PCDH15: variants seen among roughly 807,000 people sequenced by gnomAD.
PCDH15 encodes protocadherin related 15.
PCDH15 carries 129 observed loss-of-function variants against 178.5 expected under a neutral mutation model. The ratio of observed to expected loss-of-function variants is 0.72; its 90% CI spans 0.63 to 0.84. The LOEUF (loss-of-function observed/expected upper bound fraction) is 0.84, where lower values mean the gene tolerates loss of function less well. Among genes scored for constraint, PCDH15 ranks in the 40% least tolerant of loss-of-function variants. The pLI is 0.00. For synonymous variants in PCDH15, 800 were observed against 732.0 expected (o/e 1.09, Z -1.50); for missense variants, 2,230 against 2,099.9 (o/e 1.06, Z -1.21).
chr10:55,368,162 C>A (rs1179720440), intron 2 of PCDH15, among the ~76,000 whole-genome samples: 1 of 151,970 alleles, frequency 6.6e-6, no homozygotes, highest in Non-Finnish European at 1.5e-5. Context: ...TTCTCATTCT[C>A]TCTCACTCTC....
intron 2 of PCDH15, among the ~76,000 whole-genome samples, chr10:54,634,654 T>C (rs1249614487): frequency 2.6e-5 from 4 of 152,068 alleles, no homozygotes; most frequent in African/African-American, 9.6e-5. Context: ...AAAAAAATTA[T>C]ACATATTGTT....
At chr10:54,520,496 A>G (rs1434305631) in intron 3 of PCDH15, among the ~76,000 whole-genome samples, 2 of 152,186 alleles carry the variant, frequency 1.3e-5, no homozygotes, top group Non-Finnish European at 2.9e-5. Context: ...GAGAAATGCA[A>G]ATCAAAACCA....
chr10:54,257,325 T>C (rs1297002351), intron 8 of PCDH15, among the ~76,000 whole-genome samples: 1 of 151,764 alleles, frequency 6.6e-6, no homozygotes, highest in Non-Finnish European at 1.5e-5. Context: ...TCACATTTCG[T>C]CAGAATTTCA....
chr10:54,582,440 T>C (rs544346777), intron 2 of PCDH15, among the ~76,000 whole-genome samples: 1 of 152,280 alleles, frequency 6.6e-6, no homozygotes, highest in East Asian at 1.9e-4. Flanking sequence ...AGAATCTATA[T>C]GTTGGTCAGG....
intron 3 of PCDH15, among the ~76,000 whole-genome samples, chr10:54,831,319 T>C (rs565599033): frequency 1.3e-5 from 2 of 152,248 alleles, no homozygotes; most frequent in South Asian, 2.1e-4. Flanking sequence ...AAAAAACTTA[T>C]TGTCAACATT....
chr10:54,482,913 A>T (rs1055213613), intron 3 of PCDH15, among the ~76,000 whole-genome samples: 1 of 151,848 alleles, frequency 6.6e-6, no homozygotes, highest in African/African-American at 2.4e-5. Flanking sequence ...CTATGCAAGG[A>T]GTAAAATATT....
At chr10:53,855,904 G>GTGTATATA (rs1554832765) in intron 28 of PCDH15, among the ~76,000 whole-genome samples, 3 of 109,690 alleles carry the variant, frequency 2.7e-5, no homozygotes, top group Admixed American at 1.0e-4. Flanking sequence ...AAGGTGATAT[G>GTGTATATA]TATATATATA....
chr10:55,450,541 GTAC>G lies in PCDH15; in HGVS notation c.-156+177081_-156+177083del, dbSNP rs139836783. On this transcript the variant is annotated intron_variant, in intron 2 of 5. Coordinates refer to the PCDH15 transcript ENST00000613346. ...GAGTTAAATGATCAGAACTCTTTTG[GTAC>G]TAAAGGCAAATTATCAAAGACATCA... Among the ~76,000 whole-genome samples the G allele has an allele frequency of 4.7e-3, 713 of 152,140 alleles. 7 individuals carry two copies. Among genetic ancestry groups the G allele is most frequent in the African/African-American group, 0.016 (679 of 41,502 alleles).
At chr10:54,655,300 G>C (rs192121404) in intron 2 of PCDH15, among the ~76,000 whole-genome samples, 93 of 111,362 alleles carry the variant, frequency 8.4e-4, no homozygotes, top group Admixed American at 1.4e-3. Flanking sequence ...GAGAGAGAGA[G>C]AGACAGAGAG....
chr10:54,192,155 AAAG>A (rs1199280778), intron 11 of PCDH15, among the ~76,000 whole-genome samples: 1 of 23,718 alleles, frequency 4.2e-5, no homozygotes, highest in Non-Finnish European at 6.3e-5. Context: ...AAAGAAAGAA[AAAG>A]AAAGAAAGAA....
chr10:55,254,177 T>TA (rs1241804320), intron 1 of PCDH15, among the ~76,000 whole-genome samples: 3 of 152,178 alleles, frequency 2.0e-5, no homozygotes, highest in Admixed American at 6.6e-5. Context: ...AATCACGCTT[T>TA]AAAAATCTGG....
rs150214724 is a variant in PCDH15 at position 54,981,448 on chromosome 10, T to G, written c.-79-83948A>C. Among the ~76,000 whole-genome samples the G allele has an allele frequency of 9.9e-5, 15 of 152,264 alleles. 1 individual carries two copies. In the East Asian group the frequency reaches 2.7e-3, roughly 27 times the overall value. ...GGTATTATTGGCTATTTTTGTATCC[T>G]GAAATCAACTATGATATAACTACTG... On this transcript the variant is annotated intron_variant, in intron 2 of 5. Transcript: ENST00000458638.
At chr10:54,001,311 G>T (rs549990745) in intron 20 of PCDH15, among the ~76,000 whole-genome samples, 5 of 152,088 alleles carry the variant, frequency 3.3e-5, no homozygotes, top group Non-Finnish European at 7.4e-5. Context: ...AACTGTGGTG[G>T]TGTATAAAAT....
intron 13 of PCDH15, among the ~76,000 whole-genome samples, chr10:54,175,695 C>T (rs534800893): frequency 6.6e-6 from 1 of 152,280 alleles, no homozygotes; most frequent in South Asian, 2.1e-4. Context: ...TAGCCTGCCT[C>T]CCAATTCTAT....
At chr10:54,005,604 T>C (rs1274894598) in intron 20 of PCDH15, among the ~76,000 whole-genome samples, 1 of 152,046 alleles carries the variant, frequency 6.6e-6, no homozygotes, top group African/African-American at 2.4e-5. Context: ...AAACTTACAA[T>C]GAGACACCAT....
Position 54,596,988 on chromosome 10 carries a change from A to G in PCDH15, c.91+67184T>C, listed in dbSNP as rs533138235. On this transcript the variant is annotated intron_variant, in intron 2 of 37. Coordinates refer to ENST00000644397, the MANE Select transcript of PCDH15 (RefSeq NM_001384140.1). ...TTCAAGGAGACTTAGGCTACTACACAATAATACGGGGAAATTTTGACACCC... is the reference window on the plus strand; with the variant it reads ...TTCAAGGAGACTTAGGCTACTACACGATAATACGGGGAAATTTTGACACCC... 1.5e-3 allele frequency among the ~76,000 whole-genome samples: 227 copies of G among 152,268 alleles called. 1 individual carries two copies. Among genetic ancestry groups the G allele is most frequent in the African/African-American group, 5.4e-3 (223 of 41,586 alleles).
At chr10:54,809,493 T>G (rs1952830258) in intron 3 of PCDH15, among the ~76,000 whole-genome samples, 1 of 152,148 alleles carries the variant, frequency 6.6e-6, no homozygotes, top group African/African-American at 2.4e-5. Context: ...TTGGCAAATA[T>G]ATTTCAATAA....
chr10:55,584,440 C>A (rs562542778), intron 2 of PCDH15, among the ~76,000 whole-genome samples: 1 of 151,512 alleles, frequency 6.6e-6, no homozygotes, highest in Non-Finnish European at 1.5e-5. Context: ...GGGCAGATCA[C>A]GAGGTCAAGA....
chr10:55,314,498 G>A (rs1470334546), intron 1 of PCDH15, among the ~76,000 whole-genome samples: 2 of 151,452 alleles, frequency 1.3e-5, no homozygotes, highest in African/African-American at 4.9e-5. Context: ...AACAGAGTTT[G>A]TAGCTATTTC....
Sources: allele counts gnomAD v4.1 joint callset (sites outside exome capture counted in the v4.1 genomes callset), GRCh38; gene constraint gnomAD v4.1.1; transcripts MANE v1.5; gene names NCBI Gene and HGNC (gene_info 2026-07-23, HGNC 2026-07-21).